PCDH7: variants seen among roughly 807,000 people sequenced by gnomAD.
PCDH7 encodes protocadherin-7.
Under a neutral mutation model 58.9 loss-of-function variants are expected in PCDH7, and 17 were observed. The observed-to-expected ratio is 0.29, with a 90% CI of 0.20 to 0.43. The LOEUF (loss-of-function observed/expected upper bound fraction) is 0.43, where lower values mean the gene tolerates loss of function less well. PCDH7 is among the 20% of genes least tolerant of loss of function. The probability of loss-of-function intolerance (pLI) is 1.00; values close to 1 mark genes in which losing one functional copy is unlikely to be tolerated. For synonymous variants in PCDH7, 664 were observed against 616.4 expected (o/e 1.08, Z -1.14); for missense variants, 1,274 against 1,441.0 (o/e 0.88, Z 1.88).
intron 1 of PCDH7, among the ~76,000 whole-genome samples, chr4:30,781,123 A>G (rs955452472): frequency 1.3e-5 from 2 of 152,032 alleles, no homozygotes; most frequent in Admixed American, 6.6e-5. Context: ...TGATACATAC[A>G]TATGGTATTC....
At chr4:30,868,285 G>A (rs1735123404) in intron 1 of PCDH7, among the ~76,000 whole-genome samples, 1 of 152,056 alleles carries the variant, frequency 6.6e-6, no homozygotes, top group South Asian at 2.1e-4. Flanking sequence ...TAAAGATGAA[G>A]AAATGGTGAT....
intron 1 of PCDH7, among the ~76,000 whole-genome samples, chr4:30,800,706 G>A (rs982695367): frequency 1.3e-5 from 2 of 152,250 alleles, no homozygotes; most frequent in African/African-American, 4.8e-5. Flanking sequence ...ATTTCAACTG[G>A]ATGAGAAATC....
intron 3 of PCDH7, among the ~76,000 whole-genome samples, chr4:31,030,380 T>C (rs960174144): frequency 1.3e-5 from 2 of 152,104 alleles, no homozygotes; most frequent in African/African-American, 4.8e-5. Context: ...TTACCAATAA[T>C]AACCCAAACT....
At chr4:30,948,289 C>CAA (rs751763592) in intron 2 of PCDH7, among the ~76,000 whole-genome samples, 49 of 113,540 alleles carry the variant, frequency 4.3e-4, no homozygotes, top group African/African-American at 1.3e-3. Context: ...AACTCATATG[C>CAA]AAAAAAAAAA....
chr4:30,832,427 T>C (rs991105840), intron 1 of PCDH7, among the ~76,000 whole-genome samples: 3 of 152,194 alleles, frequency 2.0e-5, no homozygotes, highest in African/African-American at 7.2e-5. Context: ...TTTTGAATAA[T>C]GTGATATTAT....
At chr4:30,789,573 T>A (rs934559921) in intron 1 of PCDH7, among the ~76,000 whole-genome samples, 1 of 152,154 alleles carries the variant, frequency 6.6e-6, no homozygotes, top group African/African-American at 2.4e-5. Flanking sequence ...AGGGAACCAG[T>A]AGGAAGCAAA....
chr4:31,007,386 C>T (rs576428481), intron 3 of PCDH7, among the ~76,000 whole-genome samples: 12 of 152,212 alleles, frequency 7.9e-5, no homozygotes, highest in African/African-American at 2.9e-4. Flanking sequence ...CTTCTAGTTC[C>T]TTTCTTCCTC....
intron 1 of PCDH7, among the ~76,000 whole-genome samples, chr4:30,854,325 T>G (rs143384875): frequency 1.3e-5 from 2 of 148,876 alleles, no homozygotes; most frequent in African/African-American, 5.0e-5. Context: ...CTCACCTTCT[T>G]CCATCATTGA....
At chr4:30,914,722 G>A (rs1742202631) in intron 1 of PCDH7, among the ~76,000 whole-genome samples, 1 of 152,122 alleles carries the variant, frequency 6.6e-6, no homozygotes, top group South Asian at 2.1e-4. Flanking sequence ...TATAGTATAT[G>A]TCTTTGAGGG....
chr4:30,837,129 A>G (rs1730577737), intron 1 of PCDH7, among the ~76,000 whole-genome samples: 1 of 152,074 alleles, frequency 6.6e-6, no homozygotes, highest in South Asian at 2.1e-4. Flanking sequence ...CATTGAATCA[A>G]TGATTGTATG....
intron 3 of PCDH7, among the ~76,000 whole-genome samples, chr4:31,015,360 A>T (rs1467295800): frequency 2.0e-5 from 3 of 152,174 alleles, no homozygotes; most frequent in Admixed American, 6.5e-5. Context: ...TGTACTGTGA[A>T]ATCCCACGTG....
chr4:30,822,835 A>G (rs1018952469), intron 1 of PCDH7, among the ~76,000 whole-genome samples: 1 of 152,170 alleles, frequency 6.6e-6, no homozygotes. Context: ...ACTAGTGGTA[A>G]CAGAAACCTT....
At chr4:30,964,633 C>G (rs1748828976) in intron 3 of PCDH7, among the ~76,000 whole-genome samples, 1 of 139,968 alleles carries the variant, frequency 7.1e-6, no homozygotes, top group African/African-American at 2.6e-5. Context: ...TTTTTTTAAC[C>G]TCCCTGAGGG....
chr4:30,760,076 A>G (rs1719827381), intron 1 of PCDH7, among the ~76,000 whole-genome samples: 1 of 152,180 alleles, frequency 6.6e-6, no homozygotes, highest in Non-Finnish European at 1.5e-5. Context: ...AAAAAAACTT[A>G]AGAAGTACGG....
chr4:30,974,170 T>TTCTTTTTCTCTTTCTTTCTTTCTC (rs748260715), intron 3 of PCDH7, among the ~76,000 whole-genome samples: 1 of 150,900 alleles, frequency 6.6e-6, no homozygotes, highest in Non-Finnish European at 1.5e-5. Context: ...CTTTCTTTCT[T>TTCTTTTTCTCTTTCTTTCTTTCTC]TTTCTCTTTC....
intron 3 of PCDH7, among the ~76,000 whole-genome samples, chr4:31,108,430 A>C: frequency 6.6e-6 from 1 of 151,148 alleles, no homozygotes; most frequent in African/African-American, 2.4e-5. Context: ...ATTATACAGG[A>C]AAAAGAGACG....
intron 3 of PCDH7, among the ~76,000 whole-genome samples, chr4:31,026,793 C>G (rs1442148525): frequency 2.0e-5 from 3 of 152,094 alleles, no homozygotes; most frequent in Non-Finnish European, 4.4e-5. Context: ...ACATACACAC[C>G]TGTGGACTCA....
intron 1 of PCDH7, among the ~76,000 whole-genome samples, chr4:30,794,898 A>T (rs1365449432): frequency 6.6e-6 from 1 of 152,158 alleles, no homozygotes; most frequent in African/African-American, 2.4e-5. Flanking sequence ...GACAATCAGA[A>T]AGTTCCAGTT....
intron 3 of PCDH7, among the ~76,000 whole-genome samples, chr4:31,105,486 C>T (rs1195376730): frequency 6.6e-6 from 1 of 151,998 alleles, no homozygotes. Flanking sequence ...GAATGGGATA[C>T]CATTATTAGG....
Sources: allele counts gnomAD v4.1 joint callset (sites outside exome capture counted in the v4.1 genomes callset), GRCh38; gene constraint gnomAD v4.1.1; transcripts MANE v1.5; gene names NCBI Gene and HGNC (gene_info 2026-07-23, HGNC 2026-07-21).